MYO3A: variants seen among roughly 807,000 people sequenced by gnomAD.
MYO3A encodes the protein myosin IIIA, also known as myosin-IIIa.
A neutral mutation model predicts 192.7 loss-of-function variants in MYO3A; 180 were observed. The ratio of observed to expected loss-of-function variants is 0.93; its 90% confidence interval spans 0.83 to 1.06. The LOEUF is 1.06. MYO3A is among the 50% of genes least tolerant of loss of function. The pLI, the probability that MYO3A is intolerant of heterozygous loss-of-function variation, is 0.00. For missense variants in MYO3A, 1,896 were observed against 1,905.0 expected, an observed-to-expected ratio of 1.00 and a Z score of 0.09; for synonymous variants, 628 against 645.3, an observed-to-expected ratio of 0.97 and a Z score of 0.41.
At chr10:26,041,985 G>A (rs753877650) in intron 10 of MYO3A, among the ~76,000 whole-genome samples, 7 of 152,008 alleles carry the variant, frequency 4.6e-5, no homozygotes, top group Non-Finnish European at 8.8e-5. Context: ...ATTCCCATTA[G>A]CATTTCTTGT....
At chr10:26,100,175 G>A (rs191889448) in intron 17 of MYO3A, among the ~76,000 whole-genome samples, 1 of 152,140 alleles carries the variant, frequency 6.6e-6, no homozygotes, top group African/African-American at 2.4e-5. Flanking sequence ...ATTTCTTCTA[G>A]ATTTTCTAGT....
chr10:25,934,250 C>A lies in MYO3A; in HGVS notation c.-183C>A, dbSNP rs1329687356. The A allele has an allele frequency of 1.3e-5, 2 of 152,524 alleles. No homozygotes were observed. Among genetic ancestry groups the A allele is most frequent in the African/African-American group, 4.8e-5 (2 of 41,478 alleles). 9.4% of individuals were successfully genotyped at this position (152,524 alleles called of 1,614,324 possible). On this transcript the variant is annotated 5_prime_UTR_variant, in exon 1 of 35. Coordinates refer to ENST00000642920, the MANE Select transcript of MYO3A (RefSeq NM_017433.5). ...GCCCAGTTCTTCCCCTGCTCGGCTG[C>A]CCCTGCCCGCCCCTCGAGGGAGCGC...
chr10:26,100,307 T>A (rs1263782178), intron 17 of MYO3A, among the ~76,000 whole-genome samples: 1 of 152,194 alleles, frequency 6.6e-6, no homozygotes, highest in Non-Finnish European at 1.5e-5. Flanking sequence ...TTCTTCTTTA[T>A]TAGTGTTGCT....
At chr10:26,074,368 A>G (rs937465077) in intron 14 of MYO3A, among the ~76,000 whole-genome samples, 41 of 151,984 alleles carry the variant, frequency 2.7e-4, no homozygotes, top group African/African-American at 9.6e-4. Context: ...TCTTTTTGTC[A>G]TATAGCTATT....
chr10:26,041,470 G>T (rs1223452818), intron 10 of MYO3A, among the ~76,000 whole-genome samples: 1 of 151,634 alleles, frequency 6.6e-6, no homozygotes, highest in Non-Finnish European at 1.5e-5. Flanking sequence ...TTTGTTATTT[G>T]TTTTCTAGTT....
intron 15 of MYO3A, among the ~76,000 whole-genome samples, chr10:26,089,765 C>G (rs1836580326): frequency 6.6e-6 from 1 of 152,086 alleles, no homozygotes; most frequent in African/African-American, 2.4e-5. Flanking sequence ...GTTTACTTAA[C>G]CTCTCTGCAC....
chr10:26,047,038 T>A (rs12261092), intron 10 of MYO3A, among the ~76,000 whole-genome samples: 3,849 of 152,272 alleles, frequency 0.025, 185 homozygotes, highest in African/African-American at 0.087. Flanking sequence ...AATAATTAAT[T>A]ATTTTACTGA....
At chr10:25,938,175 C>T (rs377594474) in intron 2 of MYO3A, among the ~76,000 whole-genome samples, 71 of 152,188 alleles carry the variant, frequency 4.7e-4, no homozygotes, top group East Asian at 1.9e-3. Context: ...ATTGCATTTA[C>T]GGGTGTAGTA....
intron 14 of MYO3A, 150 bp from the exon 15 acceptor site, chr10:26,088,053 A>G (rs1485345167): frequency 4.6e-6 from 3 of 646,722 alleles, no homozygotes; most frequent in African/African-American, 3.6e-5. Context: ...GAGGGGGAAA[A>G]TAGACCAGGA....
intron 23 of MYO3A, among the ~76,000 whole-genome samples, chr10:26,148,190 A>G (rs558555526): frequency 6.6e-6 from 1 of 152,188 alleles, no homozygotes; most frequent in Non-Finnish European, 1.5e-5. Flanking sequence ...TCACTCACAA[A>G]TGATGTTTCT....
Position 26,070,614 on chromosome 10 carries a change from T to C in MYO3A, c.1359+213T>C, listed in dbSNP as rs534916235. On this transcript the variant is annotated intron_variant, in intron 14 of 34. Coordinates refer to ENST00000642920, the MANE Select transcript of MYO3A (RefSeq NM_017433.5). ...GATTTTCTAACTTTTATCACACTTA[T>C]TAGGCAAGGCTTATAAAGGTGATTT... 2.1e-3 allele frequency among the ~76,000 whole-genome samples: 320 copies of C among 152,210 alleles called. 2 individuals carry two copies. Among genetic ancestry groups the C allele is most frequent in the African/African-American group, 7.4e-3 (307 of 41,584 alleles).
intron 33 of MYO3A, among the ~76,000 whole-genome samples, chr10:26,201,667 T>A (rs892845210): frequency 6.7e-6 from 1 of 148,424 alleles, no homozygotes; most frequent in African/African-American, 2.5e-5. Context: ...GCCTGAGCAG[T>A]CGACTGGGCG....
intron 18 of MYO3A, among the ~76,000 whole-genome samples, chr10:26,121,642 C>T (rs1262077018): frequency 1.3e-5 from 2 of 151,954 alleles, no homozygotes; most frequent in African/African-American, 2.4e-5. Context: ...CTCAGCTACT[C>T]GAGGAGGCTG....
intron 27 of MYO3A, among the ~76,000 whole-genome samples, chr10:26,167,080 C>T (rs984735697): frequency 2.0e-5 from 3 of 152,016 alleles, no homozygotes; most frequent in Admixed American, 6.6e-5. Flanking sequence ...AAATGTATCA[C>T]GGGGAGGATG....
intron 10 of MYO3A, among the ~76,000 whole-genome samples, chr10:26,064,044 A>G (rs1220467544): frequency 6.6e-6 from 1 of 152,248 alleles, no homozygotes; most frequent in African/African-American, 2.4e-5. Flanking sequence ...GATTGGCATT[A>G]TATTAATTAC....
chr10:25,966,563 T>TA (rs768414122), intron 4 of MYO3A, among the ~76,000 whole-genome samples: 8 of 152,146 alleles, frequency 5.3e-5, no homozygotes, highest in Non-Finnish European at 7.3e-5. Flanking sequence ...TTTAATCTGC[T>TA]ACCTGAAAAC....
chr10:26,174,945 T>C (rs977330887), intron 30 of MYO3A, among the ~76,000 whole-genome samples: 1 of 152,234 alleles, frequency 6.6e-6, no homozygotes, highest in African/African-American at 2.4e-5. Flanking sequence ...CTTTCACAAA[T>C]TTGAGAAGAC....
At chr10:25,992,793 T>G (rs147200228) in intron 4 of MYO3A, among the ~76,000 whole-genome samples, 9,752 of 152,312 alleles carry the variant, frequency 0.064, 408 homozygotes, top group Non-Finnish European at 0.094. Context: ...TGGTTCTGTT[T>G]ATATGCTGGA....
intron 22 of MYO3A, 94 bp downstream of exon 22, chr10:26,145,628 A>G: frequency 1.0e-6 from 1 of 960,368 alleles, no homozygotes; most frequent in East Asian, 2.5e-5. Flanking sequence ...ATGTTTATAG[A>G]TAATGATAAT....
Sources: gnomAD v4.1 joint callset for allele counts (sites outside exome capture counted in the v4.1 genomes callset) on GRCh38, gnomAD v4.1.1 for gene constraint, MANE v1.5 for transcripts, NCBI Gene and HGNC (gene_info 2026-07-23, HGNC 2026-07-21) for gene names.